The following ZNF680 variants were observed in gnomAD, a reference collection of about 807,000 sequenced individuals.
ZNF680 encodes the protein hypothetical protein FLJ90430.
Under a neutral mutation model 12.1 loss-of-function variants are expected in ZNF680, and 6 were observed. The ratio of observed to expected loss-of-function variants is 0.49; its 90% CI spans 0.27 to 0.98. The LOEUF is 0.98. ZNF680 is among the 50% of genes least tolerant of loss of function. The pLI, the probability that ZNF680 is intolerant of heterozygous loss-of-function variation, is 0.12. For missense variants in ZNF680, 561 were observed against 616.3 expected, an observed-to-expected ratio of 0.91 and a Z score of 0.95; for synonymous variants, 170 against 199.3, an observed-to-expected ratio of 0.85 and a Z score of 1.24.
At chr7:64,529,198 T>C (rs1785728425) in intron 3 of ZNF680, among the ~76,000 whole-genome samples, 1 of 152,184 alleles carries the variant, frequency 6.6e-6, no homozygotes, top group Non-Finnish European at 1.5e-5. Flanking sequence ...TGACAGAGCC[T>C]ACGCCACTGC....
rs1791495118 is a variant in ZNF680, at chr7:64,520,947, A to G, written c.*214T>C. The G allele has an allele frequency of 2.0e-6, 1 of 502,612 alleles. No homozygotes were observed. Among genetic ancestry groups the G allele is most frequent in the African/African-American group, 1.9e-5 (1 of 51,520 alleles). The allele number at this position is 502,612 out of a possible 1,614,324, so 31.1% of individuals were successfully genotyped here. ...TCAATGACTTTTTCACATTCTTTATACTTGTACAATCTTTCTCAAGTAAAA... is the reference window on the plus strand; with the variant it reads ...TCAATGACTTTTTCACATTCTTTATGCTTGTACAATCTTTCTCAAGTAAAA... On this transcript the variant is annotated 3_prime_UTR_variant, in exon 4 of 4. Coordinates refer to ENST00000309683, the MANE Select transcript of ZNF680 (RefSeq NM_178558.5).
chr7:64,548,554 T>C (rs1417908603), intron 1 of ZNF680, among the ~76,000 whole-genome samples: 1 of 152,190 alleles, frequency 6.6e-6, no homozygotes, highest in Non-Finnish European at 1.5e-5. Context: ...CTTTCCTTTT[T>C]TTTCACCCAA....
chr7:64,511,599 A>C, the ZNF680 span, among the ~76,000 whole-genome samples: 722 of 149,416 alleles, frequency 4.8e-3, 4 homozygotes, highest in African/African-American at 0.017. Flanking sequence ...AACAAACAAA[A>C]AAAAACCTTG....
chr7:64,524,205 T>C (rs1411875309), intron 3 of ZNF680, among the ~76,000 whole-genome samples: 1 of 149,332 alleles, frequency 6.7e-6, no homozygotes, highest in African/African-American at 2.5e-5. Flanking sequence ...TGGAGTGCAA[T>C]GGTGAGATGT....
At chr7:64,548,381 A>G (rs1393630086) in intron 1 of ZNF680, among the ~76,000 whole-genome samples, 1 of 152,238 alleles carries the variant, frequency 6.6e-6, no homozygotes, top group South Asian at 2.1e-4. Context: ...TTTCTTTTCC[A>G]CACATCTATA....
intron 3 of ZNF680, among the ~76,000 whole-genome samples, chr7:64,533,843 G>A (rs1013351371): frequency 2.0e-5 from 3 of 152,046 alleles, no homozygotes; most frequent in South Asian, 2.1e-4. Flanking sequence ...ACAGAATAGC[G>A]AACCCAGAAA....
chr7:64,535,201 C>A (rs1467650414), intron 3 of ZNF680, among the ~76,000 whole-genome samples: 2 of 151,978 alleles, frequency 1.3e-5, no homozygotes, highest in East Asian at 3.8e-4. Flanking sequence ...TTGTCTCTAT[C>A]AAAAATACAA....
At chr7:64,543,654 A>T in intron 3 of ZNF680, 53 bp downstream of exon 3, 2 of 1,458,408 alleles carry the variant, frequency 1.4e-6, no homozygotes, top group African/African-American at 2.8e-5. Flanking sequence ...TCTCTTTGAC[A>T]TCTGGACCTC....
the ZNF680 span, among the ~76,000 whole-genome samples, chr7:64,501,997 C>CTTTTTTTT: frequency 2.0e-3 from 204 of 104,468 alleles, 1 homozygote; most frequent in African/African-American, 3.0e-3. Context: ...GGACGTATTT[C>CTTTTTTTT]TTTTTTTTTT....
downstream of ZNF680, among the ~76,000 whole-genome samples, chr7:64,517,931 TCTCAATGTAA>T (rs1791387390): frequency 6.6e-6 from 1 of 151,938 alleles, no homozygotes; most frequent in African/African-American, 2.4e-5. Flanking sequence ...AAAGGACATA[TCTCAATGTAA>T]TAAAAGCCAT....
the ZNF680 span, among the ~76,000 whole-genome samples, chr7:64,510,336 C>A: frequency 6.6e-6 from 1 of 151,704 alleles, no homozygotes; most frequent in Non-Finnish European, 1.5e-5. Context: ...AACCAAATAA[C>A]GCACCCCCAC....
the ZNF680 span, among the ~76,000 whole-genome samples, chr7:64,513,586 A>G: frequency 5.3e-5 from 8 of 152,112 alleles, no homozygotes. Context: ...AGGTTTCATT[A>G]AAATTGGGGT....
downstream of ZNF680, among the ~76,000 whole-genome samples, chr7:64,515,569 GA>G (rs918498300): frequency 1.3e-5 from 2 of 150,600 alleles, no homozygotes; most frequent in South Asian, 4.2e-4. Context: ...ATGCAGCCTG[GA>G]AAAAAAAATT....
chr7:64,537,908 T>C (rs184642244), intron 3 of ZNF680, among the ~76,000 whole-genome samples: 1 of 151,488 alleles, frequency 6.6e-6, no homozygotes, highest in Admixed American at 6.6e-5. Flanking sequence ...CCAGACTGGG[T>C]GACACAGCAA....
chr7:64,507,286 G>A, the ZNF680 span, among the ~76,000 whole-genome samples: 2 of 152,246 alleles, frequency 1.3e-5, no homozygotes, highest in African/African-American at 4.8e-5. Flanking sequence ...AGAGACTGGG[G>A]GTGGTTGGAA....
downstream of ZNF680, among the ~76,000 whole-genome samples, chr7:64,515,180 A>T (rs751840287): frequency 1.3e-5 from 2 of 152,174 alleles, no homozygotes; most frequent in Non-Finnish European, 2.9e-5. Flanking sequence ...AATAAAATTT[A>T]AAATGCATTT....
chr7:64,535,474 T>A (rs1259677461), intron 3 of ZNF680, among the ~76,000 whole-genome samples: 1 of 151,202 alleles, frequency 6.6e-6, no homozygotes, highest in Non-Finnish European at 1.5e-5. Context: ...GAAAAAGAAA[T>A]AAGACGCCTG....
chr7:64,500,607 AATG>A, the ZNF680 span, among the ~76,000 whole-genome samples: 3 of 152,188 alleles, frequency 2.0e-5, no homozygotes, highest in Non-Finnish European at 2.9e-5. Context: ...CATAGGGTAG[AATG>A]ATGATTGTCT....
At chr7:64,558,522 C>T (rs1787544420) in intron 1 of ZNF680, among the ~76,000 whole-genome samples, 1 of 152,074 alleles carries the variant, frequency 6.6e-6, no homozygotes, top group African/African-American at 2.4e-5. Context: ...GCTGCTCACC[C>T]CAGCCATGGA....
Sources: allele counts gnomAD v4.1 joint callset (sites outside exome capture counted in the v4.1 genomes callset), GRCh38; gene constraint gnomAD v4.1.1; transcripts MANE v1.5; gene names NCBI Gene and HGNC (gene_info 2026-07-23, HGNC 2026-07-21).